PKIA: variants seen among roughly 807,000 people sequenced by gnomAD.
PKIA encodes the protein cAMP-dependent protein kinase inhibitor alpha, also known as PKI-alpha.
PKIA carries 4 observed loss-of-function variants against 7.6 expected under a neutral mutation model. That is an observed-to-expected ratio of 0.52 (90% CI 0.26 to 1.20). The LOEUF is 1.20. Among genes scored for constraint, PKIA ranks in the 50% most tolerant of loss-of-function variants. PKIA has a pLI of 0.13. For missense variants in PKIA, 73 were observed against 86.2 expected, an observed-to-expected ratio of 0.85 and a Z score of 0.61; for synonymous variants, 21 against 30.7, an observed-to-expected ratio of 0.68 and a Z score of 1.04.
At chr8:78,521,427 C>G (rs1809414500) in intron 1 of PKIA, among the ~76,000 whole-genome samples, 1 of 151,852 alleles carries the variant, frequency 6.6e-6, no homozygotes, top group Non-Finnish European at 1.5e-5. Context: ...TCAGCTGATA[C>G]TTAAAGGGAC....
chr8:78,525,751 G>A, intron 1 of PKIA, among the ~76,000 whole-genome samples: 1 of 151,908 alleles, frequency 6.6e-6, no homozygotes, highest in Non-Finnish European at 1.5e-5. Flanking sequence ...CCATTATCAT[G>A]AATATATTCT....
At chr8:78,553,564 T>C (rs749725440) in intron 1 of PKIA, among the ~76,000 whole-genome samples, 26 of 152,132 alleles carry the variant, frequency 1.7e-4, no homozygotes, top group Admixed American at 1.1e-3. Flanking sequence ...CCAACACTGT[T>C]AGAATATTAG....
intron 1 of PKIA, among the ~76,000 whole-genome samples, chr8:78,528,658 T>C (rs373859613): frequency 8.3e-6 from 1 of 120,126 alleles, no homozygotes; most frequent in East Asian, 2.3e-4. Flanking sequence ...ACCCTGTCTC[T>C]AAAAAAAAAA....
rs574633740 is a variant in PKIA, at chr8:78,524,235, AAT to A, written c.-157+7774_-157+7775del. Among the ~76,000 whole-genome samples the A allele has an allele frequency of 3.5e-3, 502 of 141,908 alleles. 4 individuals are homozygous for A. The highest frequency in any genetic ancestry group is 0.012 in the African/African-American group (463 of 37,672). The allele number at this position is 141,908 out of a possible 152,430, so 93.1% of individuals were successfully genotyped here. A position where few individuals can be genotyped will look rare whatever the true frequency, so the allele number is the denominator to read the frequency against. On this transcript the variant is annotated intron_variant, in intron 1 of 3. Transcript: ENST00000396418. ...ATATAAACATTTATATTTATATATA[AAT>A]ATATATGTTTTTATATATATGGGTT...
At chr8:78,565,601 C>CT (rs1310689648) in intron 1 of PKIA, among the ~76,000 whole-genome samples, 1 of 151,944 alleles carries the variant, frequency 6.6e-6, no homozygotes, top group Non-Finnish European at 1.5e-5. Flanking sequence ...GGATACCTGG[C>CT]AGTGCTCTTG....
intron 1 of PKIA, among the ~76,000 whole-genome samples, chr8:78,523,659 T>C (rs958115062): frequency 7.2e-5 from 11 of 151,734 alleles, no homozygotes; most frequent in Non-Finnish European, 1.5e-4. Flanking sequence ...GAAAATAACC[T>C]GAATGTTAAG....
chr8:78,569,344 C>G (rs1807495087), intron 1 of PKIA, among the ~76,000 whole-genome samples: 4 of 152,050 alleles, frequency 2.6e-5, no homozygotes. Flanking sequence ...ATGAGTGGTC[C>G]CATTCTCCTT....
rs1221999007 is a variant in PKIA, at chr8:78,523,985, AATAT to A, written c.-157+7523_-157+7526del. On this transcript the variant is annotated intron_variant, in intron 1 of 3. Coordinates refer to ENST00000396418, the MANE Select transcript of PKIA (RefSeq NM_006823.4). ...AAATATATAAACATTTATATTTATA[AATAT>A]ATATAAACATTTATATATAAATATA... Among the ~76,000 whole-genome samples, 11 of 127,034 alleles carry A rather than the reference AATAT, an allele frequency of 8.7e-5. 1 individual carries two copies. The highest frequency in any genetic ancestry group is 2.2e-4 in the South Asian group (1 of 4,550). The allele number at this position is 127,034 out of a possible 152,430, so 83.3% of individuals were successfully genotyped here.
chr8:78,601,860 CA>C lies in PKIA; in HGVS notation c.*42del. On this transcript the variant is annotated 3_prime_UTR_variant, in exon 4 of 4. Coordinates refer to ENST00000396418, the MANE Select transcript of PKIA (RefSeq NM_006823.4). ...CCCTCGACCACACCTGAAAATGTCT[CA>C]AATCTCCAGGAGTATCTGGAATGCA... 1 of 1,456,658 alleles carries C rather than the reference CA, an allele frequency of 6.9e-7. No individual in the cohort carries two copies. The highest frequency in any genetic ancestry group is 9.6e-7 in the Non-Finnish European group (1 of 1,039,884). The allele number at this position is 1,456,658 out of a possible 1,614,324, so 90.2% of individuals were successfully genotyped here.
At chr8:78,539,303 A>T (rs989701662) in intron 1 of PKIA, among the ~76,000 whole-genome samples, 22 of 152,118 alleles carry the variant, frequency 1.4e-4, no homozygotes, top group African/African-American at 5.1e-4. Flanking sequence ...GTCTCGATGT[A>T]AGGAAGAAAT....
At chr8:78,533,855 C>G (rs920040303) in intron 1 of PKIA, 20 of 152,040 alleles carry the variant, frequency 1.3e-4, no homozygotes, top group African/African-American at 4.8e-4. Context: ...CAAAGCAAAA[C>G]AAACAAACAA....
Position 78,548,679 on chromosome 8 carries a change from T to C in PKIA, c.-156-24132T>C, listed in dbSNP as rs192379705. On this transcript the variant is annotated intron_variant, in intron 1 of 3. Transcript: ENST00000396418. ...AGATAGGATAATTTCTGGAGACAAA[T>C]AGGCCTGTCAATAAAGGTCAAATAT... Among the ~76,000 whole-genome samples the C allele has an allele frequency of 7.7e-4, 117 of 152,118 alleles. 1 individual carries two copies. The highest frequency in any genetic ancestry group is 2.8e-3 in the Admixed American group (43 of 15,264).
intron 2 of PKIA, among the ~76,000 whole-genome samples, chr8:78,584,876 A>G (rs1026773114): frequency 6.6e-6 from 1 of 152,008 alleles, no homozygotes; most frequent in Non-Finnish European, 1.5e-5. Context: ...CCTCAGATGG[A>G]TTGGTTTTTA....
intron 1 of PKIA, among the ~76,000 whole-genome samples, chr8:78,527,070 G>C (rs1310153283): frequency 6.6e-6 from 1 of 152,004 alleles, no homozygotes; most frequent in Non-Finnish European, 1.5e-5. Context: ...CCAAATTTGT[G>C]ATAATTTATT....
intron 1 of PKIA, among the ~76,000 whole-genome samples, chr8:78,530,075 T>A (rs1433684966): frequency 1.3e-5 from 2 of 151,932 alleles, no homozygotes; most frequent in Non-Finnish European, 2.9e-5. Context: ...AGAAGGTAAG[T>A]TTTCCCTCAT....
intron 1 of PKIA, among the ~76,000 whole-genome samples, chr8:78,540,490 T>C (rs1352663537): frequency 1.3e-5 from 2 of 151,996 alleles, no homozygotes; most frequent in African/African-American, 4.8e-5. Flanking sequence ...CCAAGAGAGA[T>C]GGGAGAGGCT....
At position 78,582,173 on chromosome 8, in the gene PKIA, G is replaced by GTTTT. The variant is rs112095411; in HGVS notation, c.-28+9246_-28+9249dup. On this transcript the variant is annotated intron_variant, in intron 2 of 3. Transcript: ENST00000396418. Reference sequence around the variant, plus strand: ...CCATGTAATCCCAGCAATATTTCGTGTTTTTTTTTTTTTTTGAGGCTTTGG... The same window carrying GTTTT: ...CCATGTAATCCCAGCAATATTTCGTGTTTTTTTTTTTTTTTTTTTGAGGCTTTGG... Among the ~76,000 whole-genome samples the GTTTT allele has an allele frequency of 2.4e-3, 313 of 129,700 alleles. 1 individual carries two copies. Among genetic ancestry groups the GTTTT allele is most frequent in the African/African-American group, 8.4e-3 (299 of 35,466 alleles). The allele number at this position is 129,700 out of a possible 152,430, so 85.1% of individuals were successfully genotyped here.
At chr8:78,550,077 C>T (rs1052701326) in intron 1 of PKIA, among the ~76,000 whole-genome samples, 1 of 152,034 alleles carries the variant, frequency 6.6e-6, no homozygotes, top group Non-Finnish European at 1.5e-5. Flanking sequence ...CAGAATTAAA[C>T]AGGCAAGCAA....
intron 1 of PKIA, among the ~76,000 whole-genome samples, chr8:78,572,537 G>GCACACA (rs1222539486): frequency 6.9e-5 from 8 of 115,640 alleles, no homozygotes; most frequent in African/African-American, 2.7e-4. Flanking sequence ...AAAAAAAGCT[G>GCACACA]CACGCACACA....
Sources: gnomAD v4.1 joint callset for allele counts (sites outside exome capture counted in the v4.1 genomes callset) on GRCh38, gnomAD v4.1.1 for gene constraint, MANE v1.5 for transcripts, NCBI Gene and HGNC (gene_info 2026-07-23, HGNC 2026-07-21) for gene names.